RNF17: variants seen among roughly 807,000 people sequenced by gnomAD.
RNF17 encodes the protein spermatogenesis associated 23.
A neutral mutation model predicts 200.5 loss-of-function variants in RNF17; 31 were observed. That is an observed-to-expected ratio of 0.15 (90% CI 0.12 to 0.21). The LOEUF is 0.21. Among genes scored for constraint, RNF17 ranks in the 10% least tolerant of loss-of-function variants. The probability of loss-of-function intolerance (pLI) is 1.00; values close to 1 mark genes in which losing one functional copy is unlikely to be tolerated. For missense variants in RNF17, 1,628 were observed against 1,905.1 expected (o/e 0.85, Z 2.71); for synonymous variants, 606 against 637.8 (o/e 0.95, Z 0.75).
At chr13:24,756,723 C>G in the RNF17 span, among the ~76,000 whole-genome samples, 2 of 152,134 alleles carry the variant, frequency 1.3e-5, no homozygotes, top group African/African-American at 4.8e-5. Flanking sequence ...ATAAAAGGTT[C>G]TGATGCAAAT....
chr13:24,809,367 G>A (rs555634150), intron 15 of RNF17, among the ~76,000 whole-genome samples: 1 of 152,240 alleles, frequency 6.6e-6, no homozygotes, highest in South Asian at 2.1e-4. Context: ...TCCTGGTTTA[G>A]TCTTGGGAGA....
At chr13:24,883,232 C>T, downstream of RNF17, 1 of 1,614,094 alleles carries the variant, frequency 6.2e-7, no homozygotes, top group Non-Finnish European at 8.5e-7. Flanking sequence ...TCTTATCCGA[C>T]CGGATCTGTA....
intron 32 of RNF17, among the ~76,000 whole-genome samples, chr13:24,873,738 TAACTG>T (rs1894547168): frequency 1.6e-5 from 2 of 129,008 alleles, no homozygotes. Flanking sequence ...TGGCCTCATG[TAACTG>T]AACCATTAAT....
intron 6 of RNF17, among the ~76,000 whole-genome samples, chr13:24,784,978 A>G: frequency 6.6e-6 from 1 of 152,108 alleles, no homozygotes. Flanking sequence ...AAGTGCTGGG[A>G]TTACAGGTGT....
chr13:24,840,036 G>GA (rs947716064), intron 18 of RNF17, among the ~76,000 whole-genome samples: 22 of 149,834 alleles, frequency 1.5e-4, no homozygotes, highest in African/African-American at 3.4e-4. Flanking sequence ...AAATCAGTAA[G>GA]AAAAAAAAAT....
At chr13:24,791,011 T>TG (rs1206429600) in intron 9 of RNF17, among the ~76,000 whole-genome samples, 1 of 152,204 alleles carries the variant, frequency 6.6e-6, no homozygotes, top group Non-Finnish European at 1.5e-5. Context: ...ACTGCTATAT[T>TG]AGACAATGTG....
chr13:24,816,701 T>C (rs563370089), intron 15 of RNF17, among the ~76,000 whole-genome samples: 3 of 152,206 alleles, frequency 2.0e-5, no homozygotes, highest in Non-Finnish European at 4.4e-5. Flanking sequence ...TACACATACC[T>C]AACTTTCCTC....
chr13:24,853,278 C>G (rs1892137276), intron 24 of RNF17, among the ~76,000 whole-genome samples: 2 of 152,246 alleles, frequency 1.3e-5, no homozygotes, highest in Admixed American at 1.3e-4. Flanking sequence ...TCCGCTAAAA[C>G]ACAATCAATA....
chr13:24,885,852 T>C, the RNF17 span: 1 of 599,184 alleles, frequency 1.7e-6, no homozygotes, highest in Non-Finnish European at 3.0e-6. Flanking sequence ...AAGTCCTAGA[T>C]GTCCAAGAAA....
chr13:24,831,749 A>G (rs1889438658), intron 17 of RNF17, 109 bp from the exon 18 acceptor site: 7 of 931,454 alleles, frequency 7.5e-6, no homozygotes, highest in Non-Finnish European at 1.1e-5. Context: ...TCTAATATGT[A>G]TGAAATTCAA....
chr13:24,878,309 A>G (rs1895077087), intron 34 of RNF17, among the ~76,000 whole-genome samples: 1 of 152,252 alleles, frequency 6.6e-6, no homozygotes, highest in South Asian at 2.1e-4. Flanking sequence ...AACCCAGTGA[A>G]AAAAGGGCAA....
intron 13 of RNF17, among the ~76,000 whole-genome samples, chr13:24,800,777 G>A (rs1274527078): frequency 1.3e-5 from 2 of 152,212 alleles, no homozygotes; most frequent in Admixed American, 1.3e-4. Context: ...AAGTATCTGA[G>A]TAAAGCAGTA....
intron 15 of RNF17, among the ~76,000 whole-genome samples, chr13:24,816,607 A>G (rs999379697): frequency 1.3e-5 from 2 of 152,200 alleles, no homozygotes; most frequent in African/African-American, 4.8e-5. Flanking sequence ...AGTTCCACAG[A>G]TTCACTCTTA....
rs1361773775 is a variant in RNF17 at position 24,874,784 on chromosome 13, C to A, written c.4583+535C>A. 2.0e-5 allele frequency among the ~76,000 whole-genome samples: 3 copies of A among 152,330 alleles called. No individual in the cohort carries two copies. In the East Asian group the frequency reaches 5.8e-4, roughly 29 times the overall value. ...TCACAAGGTTATACAACTATCACCA[C>A]TTTGCATTTGCAGAACAATTTTGTT... On this transcript the variant is annotated intron_variant, in intron 33 of 35. Coordinates refer to ENST00000255324, the MANE Select transcript of RNF17 (RefSeq NM_031277.3).
chr13:24,886,960 C>T, the RNF17 span, among the ~76,000 whole-genome samples: 1 of 152,150 alleles, frequency 6.6e-6, no homozygotes, highest in Non-Finnish European at 1.5e-5. Context: ...TGACCGTGGG[C>T]ATAGACAGGC....
chr13:24,858,002 C>T (rs1251075350), intron 25 of RNF17, among the ~76,000 whole-genome samples: 1 of 151,938 alleles, frequency 6.6e-6, no homozygotes, highest in African/African-American at 2.4e-5. Context: ...TATTCAGGTC[C>T]CTCATGAGAT....
intron 25 of RNF17, among the ~76,000 whole-genome samples, chr13:24,856,258 A>G (rs1892480561): frequency 6.6e-6 from 1 of 151,914 alleles, no homozygotes; most frequent in Admixed American, 6.6e-5. Context: ...CATCTCTACT[A>G]AAAATACAAA....
chr13:24,826,788 C>G (rs1234111705), intron 16 of RNF17, among the ~76,000 whole-genome samples: 1 of 147,628 alleles, frequency 6.8e-6, no homozygotes, highest in African/African-American at 2.5e-5. Flanking sequence ...AGGCCGGGTG[C>G]GGTGGCTCAC....
At chr13:24,845,599 T>C (rs1186706775) in intron 22 of RNF17, among the ~76,000 whole-genome samples, 1 of 152,140 alleles carries the variant, frequency 6.6e-6, no homozygotes, top group Admixed American at 6.5e-5. Flanking sequence ...GTATCAACAT[T>C]TGTGTGGCAG....
Sources: allele counts gnomAD v4.1 joint callset (sites outside exome capture counted in the v4.1 genomes callset), GRCh38; gene constraint gnomAD v4.1.1; transcripts MANE v1.5; gene names NCBI Gene and HGNC (gene_info 2026-07-23, HGNC 2026-07-21).